SLC6A12: variants seen among roughly 807,000 people sequenced by gnomAD.
The protein encoded by SLC6A12 is solute carrier family 6 member 12.
In SLC6A12, 50 loss-of-function variants were observed where a neutral mutation model predicts 73.3. The observed-to-expected ratio is 0.68, with a 90% confidence interval of 0.54 to 0.86. The LOEUF is 0.86. Among genes scored for constraint, SLC6A12 ranks in the 40% least tolerant of loss-of-function variants. The pLI is 0.00. For synonymous variants in SLC6A12, 304 were observed against 309.2 expected (o/e 0.98, Z 0.18); for missense variants, 648 against 772.8 (o/e 0.84, Z 1.92).
chr12:184,955 G>A, the SLC6A12 span, among the ~76,000 whole-genome samples: 9 of 151,602 alleles, frequency 5.9e-5, 1 homozygote, highest in African/African-American at 7.3e-5. Context: ...ATCATCAGCC[G>A]TCATACTTCC....
chr12:195,107 CAA>C, intron 13 of SLC6A12, 116 bp downstream of exon 13: 2 of 715,062 alleles, frequency 2.8e-6, no homozygotes, highest in South Asian at 3.3e-5. Flanking sequence ...GGCAACAGCG[CAA>C]AGACACACAG....
chr12:184,945 ATC>A, the SLC6A12 span, among the ~76,000 whole-genome samples: 3 of 149,198 alleles, frequency 2.0e-5, no homozygotes, highest in Admixed American at 1.3e-4. Flanking sequence ...AAAAAAAAAA[ATC>A]ATCAGCCGTC....
intron 4 of SLC6A12, chr12:203,923 G>T (rs1168538046): frequency 6.6e-6 from 1 of 152,494 alleles, no homozygotes; most frequent in African/African-American, 2.4e-5. Context: ...AGCACAGCGC[G>T]GTGCACGCGC....
At chr12:200,269 C>T (rs369563964) in intron 7 of SLC6A12, among the ~76,000 whole-genome samples, 2,212 of 149,070 alleles carry the variant, frequency 0.015, 31 homozygotes, top group Middle Eastern at 0.029. Flanking sequence ...CCACCACGCC[C>T]GGCTAATTTT....
intron 14 of SLC6A12, 64 bp from the exon 15 acceptor site, chr12:192,712 C>A (rs771455437): frequency 9.3e-6 from 14 of 1,505,262 alleles, no homozygotes; most frequent in Non-Finnish European, 1.1e-5. Flanking sequence ...TCCGCAGCTA[C>A]GTACAGCCAA....
At chr12:196,323 G>A (rs1482284368) in intron 11 of SLC6A12, 62 bp from the exon 12 acceptor site, 4 of 1,552,882 alleles carry the variant, frequency 2.6e-6, no homozygotes, top group Non-Finnish European at 3.5e-6. Context: ...CACCAGCCCT[G>A]GCCTCCACTT....
At chr12:204,505 T>G in intron 4 of SLC6A12, 59 bp downstream of exon 4, 2 of 1,528,176 alleles carry the variant, frequency 1.3e-6, no homozygotes, top group Non-Finnish European at 9.0e-7. Flanking sequence ...GGAGAGACCA[T>G]GGGGGGATGC....
intron 12 of SLC6A12, 36 bp downstream of exon 12, chr12:196,088 T>A (rs533572): frequency 2.6e-6 from 4 of 1,545,948 alleles, no homozygotes; most frequent in Non-Finnish European, 3.5e-6. Flanking sequence ...CTCCCTCCCC[T>A]GGAGCCTGGC....
chr12:186,494 T>C (rs763860371), downstream of SLC6A12, among the ~76,000 whole-genome samples: 2 of 152,228 alleles, frequency 1.3e-5, no homozygotes, highest in Non-Finnish European at 2.9e-5. Context: ...TGGCTGGGCA[T>C]TTCTGGCTCA....
chr12:197,200 T>TCTAC (rs1939962550), intron 10 of SLC6A12, among the ~76,000 whole-genome samples, 177 bp downstream of exon 10: 3 of 53,278 alleles, frequency 5.6e-5, no homozygotes, highest in South Asian at 4.8e-4. Flanking sequence ...CATCCATTCA[T>TCTAC]CCATCCATGG....
In SLC6A12 at chr12:197,506, G is replaced by T. The variant is rs1345012029; in HGVS notation, c.951-5C>A. On this transcript the variant is annotated splice_polypyrimidine_tract_variant and splice_region_variant and intron_variant, in intron 9 of 15. Coordinates refer to ENST00000684302, the MANE Select transcript of SLC6A12 (RefSeq NM_001122848.3). Reference sequence around the variant, plus strand: ...AAGCAGAGGGCGATGCAGTCCCTGTGGGAGTGGGGCAAGGGCAGACAGGAA... The same window carrying T: ...AAGCAGAGGGCGATGCAGTCCCTGTTGGAGTGGGGCAAGGGCAGACAGGAA... 21 of 1,612,018 alleles carry T rather than the reference G, an allele frequency of 1.3e-5. No individual in the cohort carries two copies. Among genetic ancestry groups the T allele is most frequent in the Non-Finnish European group, 1.8e-5 (21 of 1,179,058 alleles).
Position 202,875 on chromosome 12 carries a change from C to T in SLC6A12, c.355G>A (p.Gly119Ser). The T allele has an allele frequency of 6.2e-7, 1 of 1,613,698 alleles. No individual in the cohort carries two copies. The highest frequency in any genetic ancestry group is 8.5e-7 in the Non-Finnish European group (1 of 1,179,870). Residue 119 changes from glycine (G) to serine (S), a missense_variant, in exon 5 of 16, where the codon GGT (glycine) becomes AGT (serine). By Grantham distance (56) the Gly-to-Ser change is moderately conservative. Coordinates refer to ENST00000684302, the MANE Select transcript of SLC6A12 (RefSeq NM_001122848.3). ...GACTCGATGACCACAGATGCCAGAC[C>T]AATGCCTTCCAGAGTGGGGGAGAGA... is the stretch of plus-strand genomic sequence containing the variant. ...RKICPLFQGI[G>S]LASVVIESYL...
the SLC6A12 span, among the ~76,000 whole-genome samples, chr12:184,206 A>G: frequency 1.3e-5 from 2 of 152,228 alleles, no homozygotes; most frequent in Admixed American, 6.5e-5. Context: ...GAAAAACAAT[A>G]TAATTATCTC....
the SLC6A12 span, among the ~76,000 whole-genome samples, chr12:184,578 A>G: frequency 4.8e-3 from 728 of 152,150 alleles, 6 homozygotes; most frequent in African/African-American, 0.016. Flanking sequence ...GTGAAACCCC[A>G]TCTCTACTAA....
chr12:200,611 G>A, intron 7 of SLC6A12, 40 bp downstream of exon 7: 1 of 1,605,222 alleles, frequency 6.2e-7, no homozygotes, highest in Non-Finnish European at 8.5e-7. Context: ...CGTAGACTCT[G>A]GGGGCCAAAG....
At chr12:193,076 T>C (rs1939688400) in intron 14 of SLC6A12, 1 of 551,240 alleles carries the variant, frequency 1.8e-6, no homozygotes, top group Non-Finnish European at 3.2e-6. Context: ...AAGTAGGAAG[T>C]AGAACAAGAT....
chr12:209,700 A>C, intron 3 of SLC6A12, 73 bp downstream of exon 3: 703 of 1,415,290 alleles, frequency 5.0e-4, no homozygotes, highest in Non-Finnish European at 6.4e-4. Flanking sequence ...CCCAGGAAGG[A>C]GGGCCCAGGT....
downstream of SLC6A12, among the ~76,000 whole-genome samples, chr12:186,049 C>A (rs7979093): frequency 6.6e-6 from 1 of 152,076 alleles, no homozygotes; most frequent in African/African-American, 2.4e-5. Flanking sequence ...ACAGCAAGGA[C>A]AGGGTGAGCC....
intron 7 of SLC6A12, chr12:199,765 C>G (rs1159628813): frequency 6.6e-6 from 1 of 152,106 alleles, no homozygotes; most frequent in African/African-American, 2.4e-5. Flanking sequence ...AAATAATGCT[C>G]AAATCTGAAT....
Sources: allele counts gnomAD v4.1 joint callset (sites outside exome capture counted in the v4.1 genomes callset), GRCh38; gene constraint gnomAD v4.1.1; transcripts MANE v1.5; gene names NCBI Gene and HGNC (gene_info 2026-07-23, HGNC 2026-07-21).